RTTN: variants seen among roughly 807,000 people sequenced by gnomAD.
The protein encoded by RTTN is rotatin.
A neutral mutation model predicts 269.2 loss-of-function variants in RTTN; 182 were observed. The observed-to-expected ratio is 0.68, with a 90% confidence interval of 0.60 to 0.76. RTTN has a LOEUF of 0.76. RTTN is among the 30% of genes least tolerant of loss of function. The pLI, the probability that RTTN is intolerant of heterozygous loss-of-function variation, is 0.00. For missense variants in RTTN, 2,545 were observed against 2,608.6 expected, an observed-to-expected ratio of 0.98 and a Z score of 0.53; for synonymous variants, 1,006 against 963.5, an observed-to-expected ratio of 1.04 and a Z score of -0.82.
At chr18:70,006,323 AC>A in intron 47 of RTTN, 57 bp downstream of exon 47, 1 of 1,203,396 alleles carries the variant, frequency 8.3e-7, no homozygotes, top group Non-Finnish European at 1.2e-6. Flanking sequence ...AAGAGTTTAT[AC>A]CTGGGTTATA....
At chr18:70,143,723 G>A (rs571198975) in intron 18 of RTTN, among the ~76,000 whole-genome samples, 16 of 151,868 alleles carry the variant, frequency 1.1e-4, no homozygotes, top group Non-Finnish European at 2.1e-4. Flanking sequence ...TAACAAACCC[G>A]CACAGGTACC....
chr18:70,195,192 C>T (rs895365309), intron 7 of RTTN, among the ~76,000 whole-genome samples: 6 of 152,206 alleles, frequency 3.9e-5, no homozygotes, highest in African/African-American at 1.4e-4. Flanking sequence ...ATTTCAGTTG[C>T]TCAAGGACAT....
chr18:70,031,188 C>A, intron 40 of RTTN: 1 of 546,012 alleles, frequency 1.8e-6, no homozygotes, highest in Non-Finnish European at 3.2e-6. Context: ...AAAAGAACAA[C>A]AATCATTCTT....
chr18:70,186,838 G>C, intron 10 of RTTN, among the ~76,000 whole-genome samples: 1 of 152,260 alleles, frequency 6.6e-6, no homozygotes, highest in East Asian at 1.9e-4. Context: ...TGGACCCAAA[G>C]AGGGGAATAA....
At chr18:70,173,891 C>A (rs2061214587) in intron 11 of RTTN, among the ~76,000 whole-genome samples, 1 of 152,106 alleles carries the variant, frequency 6.6e-6, no homozygotes, top group African/African-American at 2.4e-5. Flanking sequence ...TTATGAACCT[C>A]AAGAAGGAGT....
rs748801084 is a variant in RTTN at position 70,003,874 on chromosome 18, GA to G, written c.*276del. ...GGATTTTTACAAAATAAATGGCATAGAAAAGGGTAAAAATGTTTATGTTCCC... is the reference window on the plus strand; with the variant it reads ...GGATTTTTACAAAATAAATGGCATAGAAAGGGTAAAAATGTTTATGTTCCC... On this transcript the variant is annotated 3_prime_UTR_variant, in exon 49 of 49. Coordinates refer to ENST00000640769, the MANE Select transcript of RTTN (RefSeq NM_173630.4). 365 of 258,338 alleles carry G rather than the reference GA, an allele frequency of 1.4e-3. 2 individuals are homozygous for G. The highest frequency in any genetic ancestry group is 2.4e-3 in the Non-Finnish European group (326 of 138,206). The allele number at this position is 258,338 out of a possible 1,614,324, so 16.0% of individuals were successfully genotyped here.
chr18:70,035,607 T>C (rs1376819508), intron 40 of RTTN, among the ~76,000 whole-genome samples: 3 of 152,206 alleles, frequency 2.0e-5, no homozygotes, highest in Non-Finnish European at 4.4e-5. Flanking sequence ...ATTAAAACGC[T>C]GGAAGACAAC....
chr18:70,194,263 T>C (rs2061749091), intron 7 of RTTN: 1 of 152,158 alleles, frequency 6.6e-6, no homozygotes, highest in Non-Finnish European at 1.5e-5. Flanking sequence ...TCACATCTAC[T>C]AGGATGACTA....
In RTTN at chr18:70,106,520, T is replaced by C. The variant is rs183528364; in HGVS notation, c.3903+2978A>G. On this transcript the variant is annotated intron_variant, in intron 28 of 48. Coordinates refer to ENST00000640769, the MANE Select transcript of RTTN (RefSeq NM_173630.4). The stretch of plus-strand genomic sequence containing the variant: ...GTAAATAAATAAGTTAGATCTTAAA[T>C]TTTTTGTAGATATTGCCATCCCTAA... Among the ~76,000 whole-genome samples, 9 of 152,314 alleles carry C rather than the reference T, an allele frequency of 5.9e-5. 1 individual carries two copies. Among genetic ancestry groups the C allele is most frequent in the Admixed American group, 3.3e-4 (5 of 15,310 alleles).
intron 14 of RTTN, among the ~76,000 whole-genome samples, chr18:70,159,283 A>C (rs541917109): frequency 1.3e-5 from 2 of 152,346 alleles, no homozygotes; most frequent in African/African-American, 4.8e-5. Context: ...TACCAAGAAG[A>C]TCTCTCAAAA....
At position 70,199,414 on chromosome 18, in the gene RTTN, C is replaced by T; in HGVS notation, c.578G>A (p.Ser193Asn). The change falls in exon 5 of 49, where the codon AGC becomes AAC. Residue 193 changes from serine to asparagine, a missense_variant and splice_region_variant. Ser to Asn is a conservative substitution (Grantham distance 46, BLOSUM62 1). Coordinates refer to ENST00000640769, the MANE Select transcript of RTTN (RefSeq NM_173630.4). ...CCTGAAAATACATCAAGCACCGTAC[C>T]TTTCATTAGAGGAGAGGACATGTCT... ...TDRHVLSSNE[S>N]SLRSSNHTLI... The T allele has an allele frequency of 6.2e-7, 1 of 1,600,668 alleles. No individual in the cohort carries two copies. Among genetic ancestry groups the T allele is most frequent in the Non-Finnish European group, 8.6e-7 (1 of 1,168,318 alleles).
intron 25 of RTTN, among the ~76,000 whole-genome samples, chr18:70,125,151 C>A (rs193201162): frequency 1.1e-4 from 17 of 151,976 alleles, no homozygotes; most frequent in African/African-American, 3.9e-4. Flanking sequence ...AGCCACAGTA[C>A]CGTAAGTAAA....
At chr18:70,146,794 A>G (rs576791521) in intron 17 of RTTN, among the ~76,000 whole-genome samples, 1 of 152,326 alleles carries the variant, frequency 6.6e-6, no homozygotes, top group East Asian at 1.9e-4. Flanking sequence ...ATAGATACAT[A>G]GTAAGACACC....
intron 30 of RTTN, among the ~76,000 whole-genome samples, chr18:70,089,465 C>T (rs902174536): frequency 1.3e-5 from 2 of 152,156 alleles, no homozygotes; most frequent in African/African-American, 4.8e-5. Context: ...GCCACCCAGA[C>T]AATGGTATTT....
At chr18:70,181,404 T>C (rs1378356349) in intron 10 of RTTN, among the ~76,000 whole-genome samples, 1 of 152,196 alleles carries the variant, frequency 6.6e-6, no homozygotes, top group Non-Finnish European at 1.5e-5. Flanking sequence ...AAAATAGACC[T>C]GATTTGATGA....
rs1342649903 is a variant in RTTN at position 70,095,895 on chromosome 18, A to G, written c.3904-3091T>C. Among the ~76,000 whole-genome samples, 7 of 152,020 alleles carry G rather than the reference A, an allele frequency of 4.6e-5. No individual in the cohort carries two copies. In the South Asian group the frequency reaches 1.2e-3, roughly 27 times the overall value. On this transcript the variant is annotated intron_variant, in intron 28 of 48. Transcript: ENST00000640769. ...GTAATATCCTGAAGAGTTTTTTCCA[A>G]TTTGGTCCATTCTCCCTGTCACTTT...
At position 70,078,188 on chromosome 18, in the gene RTTN, A is replaced by T. The variant is rs1040586490; in HGVS notation, c.4375-2647T>A. 1.9e-4 allele frequency among the ~76,000 whole-genome samples: 28 copies of T among 143,828 alleles called. 1 individual carries two copies. Among genetic ancestry groups the T allele is most frequent in the Admixed American group, 1.8e-3 (27 of 14,912 alleles). 94.4% of individuals were successfully genotyped at this position (143,828 alleles called of 152,430 possible). ...AAGAAAACATCAGCCATAAAGAAGT[A>T]AAAAGAGTCAGATGAAAATTCAACT... On this transcript the variant is annotated intron_variant, in intron 32 of 48. Transcript: ENST00000640769.
Position 70,134,524 on chromosome 18 carries a change from T to A in RTTN, c.2903A>T (p.Asn968Ile), listed in dbSNP as rs2060075260. 3 of 1,610,168 alleles carry A rather than the reference T, an allele frequency of 1.9e-6. No homozygotes were observed. Among genetic ancestry groups the A allele is most frequent in the Non-Finnish European group, 2.5e-6 (3 of 1,178,004 alleles). The change falls in exon 23 of 49, where the codon AAT (asparagine) becomes ATT (isoleucine). Residue 968 changes from asparagine to isoleucine, a missense_variant. By Grantham distance (149) the Asn-to-Ile change is moderately radical (BLOSUM62 -3). Coordinates refer to ENST00000640769, the MANE Select transcript of RTTN (RefSeq NM_173630.4). The part of the protein sequence containing the change: ...RMDMWSVNPS[N>I]KPSLPSVFSL... ...GAAGACCGATGGCAAAGAAGGTTTA[T>A]TGGAAGGATTAACAGACCTATTTCA...
At chr18:70,090,816 G>A (rs894534194) in intron 30 of RTTN, among the ~76,000 whole-genome samples, 1 of 152,148 alleles carries the variant, frequency 6.6e-6, no homozygotes, top group African/African-American at 2.4e-5. Context: ...AGCCAAAGGG[G>A]TGGGGTCATC....
Sources: gnomAD v4.1 joint callset for allele counts (sites outside exome capture counted in the v4.1 genomes callset) on GRCh38, gnomAD v4.1.1 for gene constraint, MANE v1.5 for transcripts, NCBI Gene and HGNC (gene_info 2026-07-23, HGNC 2026-07-21) for gene names.